SLC35F4: variants seen among roughly 807,000 people sequenced by gnomAD.
SLC35F4 encodes the protein chromosome 14 open reading frame 36.
A neutral mutation model predicts 44.2 loss-of-function variants in SLC35F4; 24 were observed. The ratio of observed to expected loss-of-function variants is 0.54; its 90% CI spans 0.39 to 0.76. The LOEUF (loss-of-function observed/expected upper bound fraction) is 0.76, where lower values mean the gene tolerates loss of function less well. Ranked by LOEUF, SLC35F4 falls within the 30% of genes least tolerant of loss-of-function variation. SLC35F4 has a pLI of 0.00. For missense variants in SLC35F4, 562 were observed against 586.1 expected (o/e 0.96, Z 0.42); for synonymous variants, 238 against 223.6 (o/e 1.06, Z -0.57).
At chr14:57,976,036 T>A (rs1881204619), downstream of SLC35F4, among the ~76,000 whole-genome samples, 3 of 152,076 alleles carry the variant, frequency 2.0e-5, no homozygotes, top group Admixed American at 1.3e-4. Context: ...AGAGCAGGAG[T>A]GTAGAAACCT....
intron 1 of SLC35F4, among the ~76,000 whole-genome samples, chr14:57,967,512 T>C (rs1420707620): frequency 6.6e-6 from 1 of 152,228 alleles, no homozygotes; most frequent in Non-Finnish European, 1.5e-5. Flanking sequence ...TTTTTCTCCA[T>C]TAGGCCTCAG....
At chr14:57,914,589 C>A (rs1205097831) in intron 1 of SLC35F4, among the ~76,000 whole-genome samples, 1 of 152,004 alleles carries the variant, frequency 6.6e-6, no homozygotes, top group Non-Finnish European at 1.5e-5. Flanking sequence ...AAACCACAGT[C>A]TCTCAATAAC....
intron 1 of SLC35F4, among the ~76,000 whole-genome samples, chr14:57,955,143 G>C (rs897972302): frequency 6.6e-6 from 1 of 151,992 alleles, no homozygotes; most frequent in Non-Finnish European, 1.5e-5. Flanking sequence ...ACAACATACG[G>C]AAATCAACAA....
chr14:57,739,909 G>T (rs1013820505), intron 1 of SLC35F4, among the ~76,000 whole-genome samples: 1 of 152,204 alleles, frequency 6.6e-6, no homozygotes, highest in Non-Finnish European at 1.5e-5. Flanking sequence ...GCCCAGGCTG[G>T]AGTGCAGTAG....
In SLC35F4 at chr14:57,668,265, T is replaced by C. The variant is rs555949495; in HGVS notation, c.104-74141A>G. ...AGATGAGTAAGTTGCAAAAATTTTCTCCCATGTTGTAGGTTGCCTGTTCAC... is the reference window on the plus strand; with the variant it reads ...AGATGAGTAAGTTGCAAAAATTTTCCCCCATGTTGTAGGTTGCCTGTTCAC... On this transcript the variant is annotated intron_variant, in intron 1 of 7. Transcript: ENST00000556826. 6.6e-5 allele frequency among the ~76,000 whole-genome samples: 10 copies of C among 150,956 alleles called. No individual in the cohort carries two copies. In the South Asian group the frequency reaches 2.1e-3, roughly 32 times the overall value.
chr14:57,785,866 G>A (rs2077744600), intron 1 of SLC35F4, among the ~76,000 whole-genome samples: 1 of 152,132 alleles, frequency 6.6e-6, no homozygotes, highest in East Asian at 1.9e-4. Flanking sequence ...CAGGGAGAAG[G>A]AATTCTCTAG....
At position 57,944,075 on chromosome 14, in the gene SLC35F4, G is replaced by T. The variant is rs151306020; in HGVS notation, n.282+37838C>A. Among the ~76,000 whole-genome samples the T allele has an allele frequency of 2.8e-3, 432 of 152,032 alleles. 4 individuals carry two copies. Among genetic ancestry groups the T allele is most frequent in the South Asian group, 7.7e-3 (37 of 4,812 alleles). ...TGAACCCAGTCATTGTCCTCCACAC[G>T]AGCTCCACACCAATTTCTGTCACAT... is the stretch of plus-strand genomic sequence containing the variant. On this transcript the variant is annotated intron_variant and non_coding_transcript_variant, in intron 1 of 1. Coordinates refer to the SLC35F4 transcript ENST00000556568.
intron 1 of SLC35F4, among the ~76,000 whole-genome samples, chr14:57,970,245 A>T (rs1881012128): frequency 6.6e-6 from 1 of 152,230 alleles, no homozygotes; most frequent in Non-Finnish European, 1.5e-5. Flanking sequence ...AATGGGAGCA[A>T]ATGTATTTGC....
intron 1 of SLC35F4, among the ~76,000 whole-genome samples, chr14:57,882,867 G>A (rs1018409356): frequency 1.3e-5 from 2 of 152,134 alleles, no homozygotes; most frequent in African/African-American, 2.4e-5. Flanking sequence ...CCCATGAAAG[G>A]CTGGGTGTTC....
intron 1 of SLC35F4, among the ~76,000 whole-genome samples, chr14:57,854,919 A>G (rs1446552535): frequency 2.0e-5 from 3 of 152,270 alleles, no homozygotes; most frequent in Non-Finnish European, 4.4e-5. Flanking sequence ...GACAATTTAT[A>G]CTTGTGTTTA....
chr14:57,622,234 T>C (rs2072223245), intron 1 of SLC35F4, among the ~76,000 whole-genome samples: 1 of 126,636 alleles, frequency 7.9e-6, no homozygotes, highest in South Asian at 2.6e-4. Flanking sequence ...TGTAAACTAG[T>C]TCAACCACTG....
chr14:57,600,721 C>CAAAAAAAAAAAA (rs1566668126), intron 1 of SLC35F4, among the ~76,000 whole-genome samples: 2 of 129,784 alleles, frequency 1.5e-5, no homozygotes, highest in African/African-American at 5.7e-5. Context: ...AAAAAAAAAC[C>CAAAAAAAAAAAA]AAAAAGATAA....
At chr14:57,803,609 G>C (rs1315454135) in intron 1 of SLC35F4, among the ~76,000 whole-genome samples, 1 of 96,032 alleles carries the variant, frequency 1.0e-5, no homozygotes, top group Non-Finnish European at 1.9e-5. Flanking sequence ...TTTTTTTTGA[G>C]ATGGACTTTC....
chr14:57,812,830 A>G (rs542840309), intron 1 of SLC35F4, among the ~76,000 whole-genome samples: 16 of 152,166 alleles, frequency 1.1e-4, no homozygotes, highest in Non-Finnish European at 1.8e-4. Flanking sequence ...GTATAATCCT[A>G]TGACATAATG....
At chr14:57,746,318 T>G (rs2076753148) in intron 1 of SLC35F4, among the ~76,000 whole-genome samples, 1 of 152,192 alleles carries the variant, frequency 6.6e-6, no homozygotes, top group South Asian at 2.1e-4. Context: ...TTAATCAGGT[T>G]GATAAAGTCC....
At chr14:57,637,578 C>A (rs1388666300) in intron 1 of SLC35F4, among the ~76,000 whole-genome samples, 1 of 152,146 alleles carries the variant, frequency 6.6e-6, no homozygotes, top group African/African-American at 2.4e-5. Flanking sequence ...TTAGCTAGGA[C>A]TGCTGTACTA....
intron 1 of SLC35F4, among the ~76,000 whole-genome samples, chr14:57,777,036 A>G (rs2077506383): frequency 6.6e-6 from 1 of 152,226 alleles, no homozygotes; most frequent in Non-Finnish European, 1.5e-5. Context: ...AACCACACAA[A>G]CAAGTCAGCA....
At chr14:57,944,264 GAT>G (rs1889968524) in intron 1 of SLC35F4, among the ~76,000 whole-genome samples, 1 of 146,482 alleles carries the variant, frequency 6.8e-6, no homozygotes, top group South Asian at 2.2e-4. Flanking sequence ...AATATTCCCT[GAT>G]ATCTATAATG....
At chr14:57,793,187 G>T (rs998966687) in intron 1 of SLC35F4, among the ~76,000 whole-genome samples, 2 of 151,858 alleles carry the variant, frequency 1.3e-5, no homozygotes, top group Non-Finnish European at 2.9e-5. Flanking sequence ...AATAGTAAAG[G>T]GGTGAATCTG....
Sources: allele counts gnomAD v4.1 joint callset (sites outside exome capture counted in the v4.1 genomes callset), GRCh38; gene constraint gnomAD v4.1.1; transcripts MANE v1.5; gene names NCBI Gene and HGNC (gene_info 2026-07-23, HGNC 2026-07-21).